Variants in MAPK10 observed in about 807,000 individuals in gnomAD.
MAPK10 encodes the protein JNK3 alpha protein kinase.
In MAPK10, 25 loss-of-function variants were observed where a neutral mutation model predicts 59.3. That is an observed-to-expected ratio of 0.42 (90% confidence interval 0.31 to 0.59). MAPK10 has a LOEUF of 0.59. MAPK10 is among the 20% of genes least tolerant of loss of function. The probability of loss-of-function intolerance (pLI) is 0.15; values close to 1 mark genes in which losing one functional copy is unlikely to be tolerated. For synonymous variants in MAPK10, 190 were observed against 200.5 expected, an observed-to-expected ratio of 0.95 and a Z score of 0.44; for missense variants, 351 against 568.9, an observed-to-expected ratio of 0.62 and a Z score of 3.90.
At chr4:86,027,190 A>G (rs1026375271) in intron 13 of MAPK10, 1 of 152,152 alleles carries the variant, frequency 6.6e-6, no homozygotes, top group Non-Finnish European at 1.5e-5. Flanking sequence ...AGTCATGAAT[A>G]TTTTTCCTAG....
At chr4:86,396,064 G>T (rs1225075775) in intron 1 of MAPK10, among the ~76,000 whole-genome samples, 1 of 152,166 alleles carries the variant, frequency 6.6e-6, no homozygotes, top group East Asian at 1.9e-4. Context: ...TAGTGTTTCC[G>T]GCCGGGCGAG....
chr4:86,409,333 T>C (rs936425924), intron 1 of MAPK10, among the ~76,000 whole-genome samples: 1 of 152,250 alleles, frequency 6.6e-6, no homozygotes, highest in African/African-American at 2.4e-5. Flanking sequence ...TCAGGTAGTA[T>C]GATGCCTCCA....
At chr4:86,416,886 C>G (rs921591910) in intron 1 of MAPK10, among the ~76,000 whole-genome samples, 1 of 152,142 alleles carries the variant, frequency 6.6e-6, no homozygotes, top group African/African-American at 2.4e-5. Flanking sequence ...TTGCTTTCCC[C>G]CCACCATCTC....
At chr4:86,462,765 T>A (rs903262006) in intron 1 of MAPK10, among the ~76,000 whole-genome samples, 2 of 152,182 alleles carry the variant, frequency 1.3e-5, no homozygotes, top group African/African-American at 4.8e-5. Context: ...GCACAAGTTC[T>A]AATTCTAGAA....
At chr4:86,075,225 G>A (rs1009736978) in intron 9 of MAPK10, among the ~76,000 whole-genome samples, 3 of 152,112 alleles carry the variant, frequency 2.0e-5, no homozygotes, top group Non-Finnish European at 4.4e-5. Flanking sequence ...TAGTTCTCGA[G>A]CCTTGGTTTT....
intron 2 of MAPK10, among the ~76,000 whole-genome samples, chr4:86,203,122 A>C (rs2083021930): frequency 6.6e-6 from 1 of 151,878 alleles, no homozygotes; most frequent in Non-Finnish European, 1.5e-5. Context: ...GGAGATGCTA[A>C]TTTAGGGAGT....
Position 86,103,168 on chromosome 4 carries a change from A to G in MAPK10, c.425+18T>C, listed in dbSNP as rs766013389. The G allele has an allele frequency of 1.9e-6, 3 of 1,595,528 alleles. No individual in the cohort carries two copies. Among genetic ancestry groups the G allele is most frequent in the Admixed American group, 1.7e-5 (1 of 59,332 alleles). ...TGAGTGCTGTGCTCTCCCTTCCTTC[A>G]TGAGTTTTGTTACTTACACATCTTG... On this transcript the variant is annotated intron_variant, in intron 6 of 13. Coordinates refer to ENST00000641462, the MANE Select transcript of MAPK10 (RefSeq NM_138982.4).
intron 9 of MAPK10, among the ~76,000 whole-genome samples, chr4:86,073,308 C>T (rs938868278): frequency 2.0e-5 from 3 of 150,474 alleles, no homozygotes; most frequent in Admixed American, 6.6e-5. Flanking sequence ...GTCTTGCTAG[C>T]GGTCTATCAA....
chr4:86,437,838 C>T (rs1748947240), intron 1 of MAPK10, among the ~76,000 whole-genome samples: 1 of 152,144 alleles, frequency 6.6e-6, no homozygotes, highest in African/African-American at 2.4e-5. Context: ...GGGGAAAAGA[C>T]ATAATTGCCC....
intron 2 of MAPK10, among the ~76,000 whole-genome samples, chr4:86,255,924 G>A (rs7687161): frequency 0.084 from 12,761 of 151,964 alleles, 1,181 homozygotes; most frequent in African/African-American, 0.23. Flanking sequence ...AATTGTCCCT[G>A]GTGTGTGCTT....
intron 1 of MAPK10, among the ~76,000 whole-genome samples, chr4:86,581,087 A>G (rs1430200046): frequency 6.6e-6 from 1 of 152,218 alleles, no homozygotes; most frequent in Non-Finnish European, 1.5e-5. Flanking sequence ...TCTTTTGGGT[A>G]CATATTAAAT....
At chr4:86,130,835 G>A (rs1176136605) in intron 4 of MAPK10, among the ~76,000 whole-genome samples, 3 of 152,096 alleles carry the variant, frequency 2.0e-5, no homozygotes, top group Non-Finnish European at 4.4e-5. Flanking sequence ...ATGTAAATGG[G>A]CTGGAGATCC....
intron 1 of MAPK10, among the ~76,000 whole-genome samples, chr4:86,427,256 CAAAAAAAAA>C (rs576600795): frequency 1.1e-5 from 1 of 93,772 alleles, no homozygotes; most frequent in Non-Finnish European, 2.1e-5. Flanking sequence ...GATTCTGTCT[CAAAAAAAAA>C]AAAAAAAAAA....
At chr4:86,143,178 A>G (rs1457152186) in intron 4 of MAPK10, among the ~76,000 whole-genome samples, 1 of 152,118 alleles carries the variant, frequency 6.6e-6, no homozygotes, top group African/African-American at 2.4e-5. Context: ...AAACCACCAG[A>G]TCTCCTGAGA....
chr4:86,063,237 G>A (rs941898048), intron 11 of MAPK10, among the ~76,000 whole-genome samples: 1 of 152,188 alleles, frequency 6.6e-6, no homozygotes, highest in Non-Finnish European at 1.5e-5. Flanking sequence ...AGAATTATGT[G>A]TTTGAATCTA....
At chr4:86,058,181 C>T (rs1262193743) in intron 11 of MAPK10, among the ~76,000 whole-genome samples, 1 of 149,512 alleles carries the variant, frequency 6.7e-6, no homozygotes, top group African/African-American at 2.5e-5. Flanking sequence ...TAGGGGAGGT[C>T]CTTGAGTACC....
chr4:86,253,852 T>C (rs2093581151), intron 2 of MAPK10, among the ~76,000 whole-genome samples: 1 of 65,910 alleles, frequency 1.5e-5, no homozygotes, highest in Non-Finnish European at 2.7e-5. Flanking sequence ...CAATTTCAGC[T>C]CCTGTTATTG....
At chr4:86,188,676 T>G (rs1487548198) in intron 3 of MAPK10, among the ~76,000 whole-genome samples, 1 of 152,184 alleles carries the variant, frequency 6.6e-6, no homozygotes, top group African/African-American at 2.4e-5. Context: ...GCAAAAATGT[T>G]CCCCCATTCT....
At position 86,134,414 on chromosome 4, in the gene MAPK10, C is replaced by T. The variant is rs114561371; in HGVS notation, c.236+24884G>A. 3.7e-3 allele frequency among the ~76,000 whole-genome samples: 564 copies of T among 152,260 alleles called. 4 individuals carry two copies. The highest frequency in any genetic ancestry group is 6.4e-3 in the Non-Finnish European group (437 of 68,026). The stretch of plus-strand genomic sequence containing the variant: ...AAAAATTGAAAATATCTAACTCAAA[C>T]TCCATTAATAGCAATTAATAATCAG... On this transcript the variant is annotated intron_variant, in intron 4 of 13. Coordinates refer to ENST00000641462, the MANE Select transcript of MAPK10 (RefSeq NM_138982.4).
Sources: gnomAD v4.1 joint callset for allele counts (sites outside exome capture counted in the v4.1 genomes callset) on GRCh38, gnomAD v4.1.1 for gene constraint, MANE v1.5 for transcripts, NCBI Gene and HGNC (gene_info 2026-07-23, HGNC 2026-07-21) for gene names.